The following POLN variants were observed in gnomAD, a reference collection of about 807,000 sequenced individuals.
POLN encodes DNA polymerase N.
A neutral mutation model predicts 113.5 loss-of-function variants in POLN; 108 were observed. The ratio of observed to expected loss-of-function variants is 0.95; its 90% CI spans 0.81 to 1.12. The LOEUF is 1.12. Ranked by LOEUF, POLN falls within the 50% of genes most tolerant of loss-of-function variation. POLN has a pLI of 0.00. For missense variants in POLN, 1,097 were observed against 1,077.1 expected (o/e 1.02, Z -0.26); for synonymous variants, 386 against 391.5 (o/e 0.99, Z 0.17).
At chr4:2,085,560 C>T in intron 21 of POLN, 53 bp downstream of exon 21, 2 of 1,604,028 alleles carry the variant, frequency 1.2e-6, no homozygotes, top group Non-Finnish European at 1.7e-6. Flanking sequence ...GTCCCCCCAT[C>T]CTCCCACAGA....
At chr4:2,166,970 G>A (rs1309710032) in intron 13 of POLN, among the ~76,000 whole-genome samples, 3 of 152,050 alleles carry the variant, frequency 2.0e-5, no homozygotes, top group Non-Finnish European at 4.4e-5. Context: ...ATATCCTACC[G>A]GTTCTATTTC....
At chr4:2,213,152 A>G in intron 3 of POLN, 26 bp from the exon 4 acceptor site, 1 of 1,483,928 alleles carries the variant, frequency 6.7e-7, no homozygotes, top group Non-Finnish European at 9.3e-7. Context: ...AAAAAGAAAC[A>G]TGGGGCATTA....
intron 16 of POLN, among the ~76,000 whole-genome samples, chr4:2,132,631 C>A (rs1156603921): frequency 6.6e-6 from 1 of 152,184 alleles, no homozygotes; most frequent in Non-Finnish European, 1.5e-5. Context: ...TGAGGAACAG[C>A]AATGTGAGTG....
chr4:2,208,756 G>A (rs1387842141), intron 4 of POLN, among the ~76,000 whole-genome samples: 1 of 152,144 alleles, frequency 6.6e-6, no homozygotes, highest in Non-Finnish European at 1.5e-5. Flanking sequence ...TTGGGAGGCC[G>A]AGGTGGGTGG....
chr4:2,128,112 C>A lies in POLN; in HGVS notation c.1982+1G>T, dbSNP rs1182826911. On this transcript the variant is annotated splice_donor_variant, in intron 19 of 25. Coordinates refer to ENST00000511885, the MANE Select transcript of POLN (RefSeq NM_181808.4). LOFTEE classifies it high-confidence loss of function. Reference sequence around the variant, plus strand: ...TAATATTGTGAGTTCATATATCTTACCACTGTGAAGTCAGAGTAGAAAATA... The same window carrying A: ...TAATATTGTGAGTTCATATATCTTAACACTGTGAAGTCAGAGTAGAAAATA... 1 of 1,563,036 alleles carries A rather than the reference C, an allele frequency of 6.4e-7. No individual in the cohort carries two copies. Among genetic ancestry groups the A allele is most frequent in the East Asian group, 2.2e-5 (1 of 44,618 alleles).
intron 6 of POLN, among the ~76,000 whole-genome samples, chr4:2,197,337 A>G (rs974058368): frequency 6.6e-6 from 1 of 152,156 alleles, no homozygotes; most frequent in Admixed American, 6.5e-5. Flanking sequence ...AGCAGAGGGC[A>G]GATTCTATCT....
chr4:2,183,784 T>A (rs564679484), intron 7 of POLN, among the ~76,000 whole-genome samples: 2 of 152,140 alleles, frequency 1.3e-5, no homozygotes, highest in East Asian at 3.8e-4. Context: ...AACCCCTGAA[T>A]TGTACAGTTA....
rs540503875 is a variant in POLN at position 2,129,232 on chromosome 4, A to G, written c.1814T>C (p.Ile605Thr). Residue 605 changes from isoleucine (I) to threonine (T), a missense_variant, in exon 18 of 26, where the codon ATC (isoleucine) becomes ACC (threonine). By Grantham distance (89) the Ile-to-Thr change is moderately conservative. Transcript: ENST00000511885. ...TGAAACAAACATGGCCCTCGGGGAG[A>G]TCGTGAGAATCTTGTCTTCTTTACC... ...FKGKEDKILT[I>T]SPRAMFVSSK... 3 of 1,597,156 alleles carry G rather than the reference A, an allele frequency of 1.9e-6. No individual in the cohort carries two copies. Among genetic ancestry groups the G allele is most frequent in the African/African-American group, 2.7e-5 (2 of 74,584 alleles).
intron 3 of POLN, among the ~76,000 whole-genome samples, chr4:2,225,854 A>G (rs1734373629): frequency 6.6e-6 from 1 of 152,012 alleles, no homozygotes; most frequent in African/African-American, 2.4e-5. Context: ...ATAAAAAATT[A>G]GCCAGACACA....
At chr4:2,195,904 T>C (rs186652151) in intron 6 of POLN, among the ~76,000 whole-genome samples, 46 of 152,246 alleles carry the variant, frequency 3.0e-4, no homozygotes, top group African/African-American at 1.1e-3. Context: ...CGGAATTAAA[T>C]AAGTGATTTA....
In POLN at chr4:2,129,256, C is replaced by T. The variant is rs763286770; in HGVS notation, c.1790G>A (p.Gly597Asp). The T allele has an allele frequency of 3.8e-6, 6 of 1,578,794 alleles. No individual in the cohort carries two copies. The highest frequency in any genetic ancestry group is 4.4e-6 in the Non-Finnish European group (5 of 1,148,358). The change falls in exon 18 of 26, where the codon GGT (glycine) becomes GAT (aspartate). Residue 597 changes from glycine to aspartate, a missense_variant and splice_region_variant. Coordinates refer to ENST00000511885, the MANE Select transcript of POLN (RefSeq NM_181808.4). ...IQITTPKNFKGKEDKILTISP... is the reference protein window; with the variant it reads ...IQITTPKNFKDKEDKILTISP... Reference sequence around the variant, plus strand: ...GATCGTGAGAATCTTGTCTTCTTTACCTGAATTGTTATTTCAAGAGCATTT... The same window carrying T: ...GATCGTGAGAATCTTGTCTTCTTTATCTGAATTGTTATTTCAAGAGCATTT...
chr4:2,081,058 C>G (rs746112794), intron 22 of POLN, 22 bp from the exon 23 acceptor site: 3 of 1,613,310 alleles, frequency 1.9e-6, no homozygotes, highest in Admixed American at 3.3e-5. Flanking sequence ...GTGGTACTGT[C>G]TTGAGGTCCC....
At chr4:2,089,550 T>C (rs1047499391) in intron 20 of POLN, 188 of 1,180,510 alleles carry the variant, frequency 1.6e-4, no homozygotes, top group Non-Finnish European at 3.0e-5. Flanking sequence ...TCTTGGCACT[T>C]TGTTCAACTA....
intron 20 of POLN, chr4:2,089,777 T>C: frequency 1.3e-6 from 1 of 744,436 alleles, no homozygotes; most frequent in East Asian, 2.7e-5. Flanking sequence ...GGTATTTCTT[T>C]GAATGCAGAA....
intron 2 of POLN, chr4:2,231,751 G>C (rs1734585808): frequency 2.1e-6 from 1 of 467,568 alleles, no homozygotes; most frequent in Non-Finnish European, 3.8e-6. Flanking sequence ...GTCATAAAAA[G>C]CACTGGTATT....
intron 22 of POLN, 130 bp from the exon 23 acceptor site, chr4:2,081,166 C>T (rs1394756227): frequency 1.3e-6 from 2 of 1,595,698 alleles, no homozygotes; most frequent in Non-Finnish European, 1.7e-6. Flanking sequence ...TGTCTGAGTG[C>T]CAGGGCCACA....
intron 3 of POLN, among the ~76,000 whole-genome samples, chr4:2,224,099 T>C (rs1734327935): frequency 6.6e-6 from 1 of 152,242 alleles, no homozygotes; most frequent in African/African-American, 2.4e-5. Flanking sequence ...TGAACAAAAA[T>C]ATTTTTTCTT....
intron 11 of POLN, 135 bp from the exon 12 acceptor site, chr4:2,171,316 G>A (rs1732855160): frequency 8.8e-6 from 6 of 682,988 alleles, no homozygotes; most frequent in Non-Finnish European, 1.4e-5. Flanking sequence ...CCTTTGGGAG[G>A]CTGAGGCAGG....
chr4:2,201,292 A>AAAAAAC (rs1560091746), intron 5 of POLN, among the ~76,000 whole-genome samples: 1 of 148,254 alleles, frequency 6.7e-6, no homozygotes, highest in East Asian at 2.0e-4. Flanking sequence ...AAAAAAAAAA[A>AAAAAAC]AAAAAAAAAA....
Sources: allele counts gnomAD v4.1 joint callset (sites outside exome capture counted in the v4.1 genomes callset), GRCh38; gene constraint gnomAD v4.1.1; transcripts MANE v1.5; gene names NCBI Gene and HGNC (gene_info 2026-07-23, HGNC 2026-07-21).